The following ZNF362 variants were observed in gnomAD, a reference collection of about 807,000 sequenced individuals.
ZNF362 encodes the protein zinc finger protein 362, also known as rotund homolog.
ZNF362 carries 11 observed loss-of-function variants against 42.9 expected under a neutral mutation model. The observed-to-expected ratio is 0.26, with a 90% CI of 0.16 to 0.42. The LOEUF is 0.42. Among genes scored for constraint, ZNF362 ranks in the 20% least tolerant of loss-of-function variants. The probability of loss-of-function intolerance (pLI) is 1.00; values close to 1 mark genes in which losing one functional copy is unlikely to be tolerated. For missense variants in ZNF362, 362 were observed against 576.2 expected (o/e 0.63, Z 3.81); for synonymous variants, 255 against 257.3 (o/e 0.99, Z 0.09).
At position 33,295,280 on chromosome 1, in the gene ZNF362, G is replaced by C; in HGVS notation, c.1121G>C (p.Ser374Thr). The C allele has an allele frequency of 6.2e-7, 1 of 1,614,210 alleles. No homozygotes were observed. The part of the protein sequence containing the change: ...AIKHAKAYCC[S>T]MCGRAYTSET... The stretch of plus-strand genomic sequence containing the variant: ...AAGCACGCCAAGGCCTACTGCTGCA[G>C]CATGTGTGGGCGGGCCTACACCTCG... The change falls in exon 8 of 9, where the codon AGC becomes ACC. Residue 374 changes from serine (S) to threonine (T), a missense_variant. This residue lies in a region of ZNF362 where 68 missense variants were observed against 107.4 expected (regional missense o/e 0.63). Coordinates refer to ENST00000539719, the MANE Select transcript of ZNF362 (RefSeq NM_152493.3).
At chr1:33,167,915 T>C in the ZNF362 span, among the ~76,000 whole-genome samples, 1 of 152,234 alleles carries the variant, frequency 6.6e-6, no homozygotes, top group Admixed American at 6.5e-5. The surrounding 1 kb of genome is among the most constrained non-coding windows in gnomAD (Gnocchi z 4.2). Context: ...TACCAGGCAC[T>C]GTTGAGGCAC....
chr1:33,230,316 G>A, the ZNF362 span, among the ~76,000 whole-genome samples: 1 of 152,124 alleles, frequency 6.6e-6, no homozygotes, highest in African/African-American at 2.4e-5. Flanking sequence ...TGCTTATGCT[G>A]TACAGGAACC....
At chr1:33,297,021 A>G (rs567084327) in intron 8 of ZNF362, among the ~76,000 whole-genome samples, 14 of 152,200 alleles carry the variant, frequency 9.2e-5, no homozygotes, top group African/African-American at 3.4e-4. Context: ...CATGGATCAT[A>G]GGTGGGGTTG....
chr1:33,292,686 A>G (rs1646087950), intron 6 of ZNF362, among the ~76,000 whole-genome samples: 2 of 152,150 alleles, frequency 1.3e-5, no homozygotes, highest in Admixed American at 6.5e-5. Context: ...TCGGCTGTGA[A>G]TCCGTCTGGT....
the ZNF362 span, among the ~76,000 whole-genome samples, chr1:33,247,948 G>A: frequency 6.6e-6 from 1 of 152,242 alleles, no homozygotes; most frequent in African/African-American, 2.4e-5. Context: ...TCTGGGTGAG[G>A]TCAAGTCCCC....
the ZNF362 span, among the ~76,000 whole-genome samples, chr1:33,186,246 T>C: frequency 6.6e-6 from 1 of 152,134 alleles, no homozygotes; most frequent in African/African-American, 2.4e-5. Context: ...AAGTATTCTT[T>C]TTGTGACTTA....
At chr1:33,159,731 C>A in the ZNF362 span, 2 of 1,612,100 alleles carry the variant, frequency 1.2e-6, no homozygotes, top group Non-Finnish European at 1.7e-6. This position sits in a 1 kb window ranked among gnomAD's most constrained non-coding sequence, Gnocchi z 4.2. Context: ...GTGTGCCGGT[C>A]GGTTTCAGCC....
At chr1:33,252,057 A>T (rs1244848291), upstream of ZNF362, among the ~76,000 whole-genome samples, 1 of 152,186 alleles carries the variant, frequency 6.6e-6, no homozygotes, top group African/African-American at 2.4e-5. Flanking sequence ...GCCTGAAAAA[A>T]ATCATCCATT....
At chr1:33,210,843 G>GA in the ZNF362 span, among the ~76,000 whole-genome samples, 3 of 151,968 alleles carry the variant, frequency 2.0e-5, no homozygotes, top group African/African-American at 7.3e-5. Flanking sequence ...TGTGTCTCCT[G>GA]AATACAGCAC....
chr1:33,207,492 T>C, the ZNF362 span, among the ~76,000 whole-genome samples: 7 of 152,288 alleles, frequency 4.6e-5, no homozygotes, highest in Admixed American at 1.3e-4. Flanking sequence ...GGTCAAATGG[T>C]ATTTCTAGTT....
At chr1:33,211,813 A>G in the ZNF362 span, among the ~76,000 whole-genome samples, 1 of 152,188 alleles carries the variant, frequency 6.6e-6, no homozygotes, top group African/African-American at 2.4e-5. Context: ...TCTCCTGGAT[A>G]GTATCCTGAA....
the ZNF362 span, among the ~76,000 whole-genome samples, chr1:33,220,550 G>A: frequency 6.6e-6 from 1 of 152,062 alleles, no homozygotes; most frequent in Non-Finnish European, 1.5e-5. Flanking sequence ...ACTATGTCAT[G>A]CACCCACCAG....
In ZNF362 at chr1:33,298,980, G is replaced by A; in HGVS notation, c.1197G>A (p.Leu399=). 6.2e-7 allele frequency: 1 copy of A among 1,613,650 alleles called. No individual in the cohort carries two copies. The highest frequency in any genetic ancestry group is 1.6e-4 in the Middle Eastern group (1 of 6,062). Residue 399 remains leucine (L), a synonymous_variant, in exon 9 of 9, where the codon CTG becomes CTA. Coordinates refer to ENST00000539719, the MANE Select transcript of ZNF362 (RefSeq NM_152493.3). ...CCAAACACACGGTGGTGGAGCACCT[G>A]GTGAGCCATCACTCGCCCCAGAGGA... The part of the protein sequence containing the change: ...HMSKHTVVEH[L]VSHHSPQRTE...
Position 33,270,496 on chromosome 1 carries a change from G to C in ZNF362, c.-79G>C. On this transcript the variant is annotated 5_prime_UTR_variant, in exon 2 of 9. Transcript: ENST00000539719. ...TATTCCCATATACAAGGTGCTGTTG[G>C]GAACACAGAGGAAGTGACTGGCTGG... 1 of 786,512 alleles carries C rather than the reference G, an allele frequency of 1.3e-6. No individual in the cohort carries two copies. Among genetic ancestry groups the C allele is most frequent in the Non-Finnish European group, 2.2e-6 (1 of 446,566 alleles). 48.7% of individuals were successfully genotyped at this position (786,512 alleles called of 1,614,324 possible).
rs549010248 is a variant in ZNF362 at position 33,256,605 on chromosome 1, C to T, written c.-138C>T. 1.4e-5 allele frequency: 2 copies of T among 146,678 alleles called. No individual in the cohort carries two copies. The highest frequency in any genetic ancestry group is 2.4e-5 in the African/African-American group (1 of 40,850). 9.1% of individuals were successfully genotyped at this position (146,678 alleles called of 1,614,324 possible). The stretch of plus-strand genomic sequence containing the variant: ...CCCCAGCCCGGCCCTGCTCGGGCCG[C>T]CGGGCGCGGGGCTGCGGCCGCGTCC... On this transcript the variant is annotated 5_prime_UTR_variant, in exon 1 of 9. Coordinates refer to ENST00000539719, the MANE Select transcript of ZNF362 (RefSeq NM_152493.3).
chr1:33,216,591 C>A, the ZNF362 span, among the ~76,000 whole-genome samples: 1 of 63,890 alleles, frequency 1.6e-5, no homozygotes. Context: ...CAGAGCAAGA[C>A]TCTGTCTCAA....
At chr1:33,175,831 T>C in the ZNF362 span, among the ~76,000 whole-genome samples, 1 of 152,216 alleles carries the variant, frequency 6.6e-6, no homozygotes, top group East Asian at 1.9e-4. Flanking sequence ...CATAACTTAC[T>C]TTGTGCCTCC....
rs538687606 is a variant in ZNF362, at chr1:33,280,393, G to T, written c.619G>T (p.Val207Phe). The stretch of plus-strand genomic sequence containing the variant: ...GGCGGAGAACCCGGGGGGTCCGCCT[G>T]TCCTTGTAGTCCCCTATCCCATCCT... ...IKAENPGGPP[V>F]LVVPYPILAS... The change falls in exon 5 of 9, where the codon GTC becomes TTC. Residue 207 changes from valine (V) to phenylalanine (F), a missense_variant. Val to Phe is a conservative substitution (Grantham distance 50, BLOSUM62 -1). Coordinates refer to ENST00000539719, the MANE Select transcript of ZNF362 (RefSeq NM_152493.3). The surrounding 1 kb of genome is among the most constrained non-coding windows in gnomAD (Gnocchi z 5.6). 1 of 1,613,432 alleles carries T rather than the reference G, an allele frequency of 6.2e-7. No homozygotes were observed. The highest frequency in any genetic ancestry group is 1.3e-5 in the African/African-American group (1 of 75,046).
Position 33,299,295 on chromosome 1 carries a change from G to T in ZNF362, c.*249G>T. 2 of 308,292 alleles carry T rather than the reference G, an allele frequency of 6.5e-6. No individual in the cohort carries two copies. Among genetic ancestry groups the T allele is most frequent in the Non-Finnish European group, 6.0e-6 (1 of 167,480 alleles). 19.1% of individuals were successfully genotyped at this position (308,292 alleles called of 1,614,324 possible). A position where few individuals can be genotyped will look rare whatever the true frequency, so the allele number is the denominator to read the frequency against. On this transcript the variant is annotated 3_prime_UTR_variant, in exon 9 of 9. Transcript: ENST00000539719. ...TCAGAGCACTTTGAACCTCTCTGTT[G>T]AGTTTTCTTTTTGTTCCCCACCCTT...
Sources: gnomAD v4.1 joint callset for allele counts (sites outside exome capture counted in the v4.1 genomes callset) on GRCh38, gnomAD v4.1.1 for gene constraint, gnomAD v4.1.1 regional missense constraint, Gnocchi (gnomAD v3.1) non-coding constraint, MANE v1.5 for transcripts, NCBI Gene and HGNC (gene_info 2026-07-23, HGNC 2026-07-21) for gene names.